Variants in UBA2 observed in about 807,000 individuals in gnomAD.
UBA2 encodes the protein SUMO-activating enzyme subunit 2.
UBA2 carries 11 observed loss-of-function variants against 77.2 expected under a neutral mutation model. The observed-to-expected ratio is 0.14, with a 90% CI of 0.09 to 0.24. The LOEUF is 0.24. UBA2 is among the 10% of genes least tolerant of loss of function. The pLI is 1.00. For synonymous variants in UBA2, 278 were observed against 276.7 expected (o/e 1.00, Z -0.05); for missense variants, 487 against 781.7 (o/e 0.62, Z 4.50).
At chr19:34,458,042 C>G (rs973436717) in intron 12 of UBA2, among the ~76,000 whole-genome samples, 1 of 152,072 alleles carries the variant, frequency 6.6e-6, no homozygotes, top group African/African-American at 2.4e-5. Context: ...CTATCGTTAA[C>G]TGGAGAAATT....
At chr19:34,456,100 C>CTCTT (rs2075557076) in intron 12 of UBA2, among the ~76,000 whole-genome samples, 1 of 55,782 alleles carries the variant, frequency 1.8e-5, no homozygotes, top group Non-Finnish European at 3.2e-5. Flanking sequence ...TTTTCCTTTT[C>CTCTT]TTTTTCTTTT....
intron 13 of UBA2, 61 bp from the exon 14 acceptor site, chr19:34,460,409 A>T (rs2075617891): frequency 1.8e-6 from 2 of 1,127,932 alleles, no homozygotes; most frequent in Admixed American, 5.0e-5. Flanking sequence ...GAAGTCTAGG[A>T]TTTCTTATGA....
intron 8 of UBA2, among the ~76,000 whole-genome samples, chr19:34,448,141 C>T (rs1189224315): frequency 6.6e-6 from 1 of 152,128 alleles, no homozygotes; most frequent in African/African-American, 2.4e-5. Flanking sequence ...ACATACTACC[C>T]TAGGATCTGA....
chr19:34,450,677 A>C (rs901928663), intron 9 of UBA2, among the ~76,000 whole-genome samples: 3 of 151,828 alleles, frequency 2.0e-5, no homozygotes, highest in Non-Finnish European at 4.4e-5. Context: ...GTCTCTTATT[A>C]ACATGTAGTG....
At chr19:34,465,806 T>C (rs935208708) in intron 15 of UBA2, among the ~76,000 whole-genome samples, 2 of 152,100 alleles carry the variant, frequency 1.3e-5, no homozygotes, top group African/African-American at 4.8e-5. Context: ...ACATGTACAA[T>C]AAAGTGGAAA....
chr19:34,460,679 T>C lies in UBA2; in HGVS notation c.1498+113T>C, dbSNP rs1599930467. ...CTCAGTATTGCAGAGAGTGGCAGTGTTTGGTCATGAAGGTGCTCTTTCAAG... is the reference window on the plus strand; with the variant it reads ...CTCAGTATTGCAGAGAGTGGCAGTGCTTGGTCATGAAGGTGCTCTTTCAAG... On this transcript the variant is annotated intron_variant, in intron 14 of 16. Transcript: ENST00000246548. 1.9e-5 allele frequency: 14 copies of C among 742,116 alleles called. No individual in the cohort carries two copies. The East Asian group carries it at 4.1e-4, about 22-fold the overall frequency. The allele number at this position is 742,116 out of a possible 1,614,324, so 46.0% of individuals were successfully genotyped here.
In UBA2 at chr19:34,444,533, A is replaced by C. The variant is rs958783227; in HGVS notation, c.650-467A>C. ...GAAACTAAGTTACAACAGGCCAGGC[A>C]AGGTGGCTCACGCCCGTAGTCCCAG... On this transcript the variant is annotated intron_variant, in intron 7 of 16. Coordinates refer to ENST00000246548, the MANE Select transcript of UBA2 (RefSeq NM_005499.3). Among the ~76,000 whole-genome samples the C allele has an allele frequency of 2.6e-5, 4 of 152,292 alleles. No individual in the cohort carries two copies. In the East Asian group the frequency reaches 7.7e-4, roughly 29 times the overall value.
At chr19:34,431,424 G>C (rs2075254341) in intron 2 of UBA2, among the ~76,000 whole-genome samples, 1 of 151,330 alleles carries the variant, frequency 6.6e-6, no homozygotes, top group South Asian at 2.1e-4. Context: ...GCCTTTTCCT[G>C]TCATTCTCAT....
At chr19:34,453,238 A>C (rs1171498038) in intron 10 of UBA2, among the ~76,000 whole-genome samples, 9 of 152,218 alleles carry the variant, frequency 5.9e-5, no homozygotes, top group Admixed American at 5.9e-4. Flanking sequence ...CAATAAATAC[A>C]TAAAGAACTA....
chr19:34,434,165 A>C (rs1272134864), intron 4 of UBA2, among the ~76,000 whole-genome samples: 1 of 152,186 alleles, frequency 6.6e-6, no homozygotes, highest in Non-Finnish European at 1.5e-5. Flanking sequence ...CCCAGACTAG[A>C]GTGCACTGGT....
intron 7 of UBA2, among the ~76,000 whole-genome samples, chr19:34,444,668 A>G (rs1317283557): frequency 1.3e-5 from 2 of 152,210 alleles, no homozygotes; most frequent in Non-Finnish European, 2.9e-5. Flanking sequence ...TTAGCCAGGC[A>G]TGGTGGTGCA....
chr19:34,465,269 A>G lies in UBA2; in HGVS notation c.1604+1138A>G, dbSNP rs566519707. ...TTATTTTGTCAATATTTTCATGAGT[A>G]TACAAACATGCATAGTGTTGGTGTG... On this transcript the variant is annotated intron_variant, in intron 15 of 16. Transcript: ENST00000246548. Among the ~76,000 whole-genome samples, 220 of 152,316 alleles carry G rather than the reference A, an allele frequency of 1.4e-3. 5 individuals carry two copies. Among genetic ancestry groups the G allele is most frequent in the African/African-American group, 5.0e-3 (208 of 41,576 alleles).
At position 34,451,990 on chromosome 19, in the gene UBA2, C is replaced by T. The variant is rs368142349; in HGVS notation, c.881C>T (p.Thr294Met). 2.8e-5 allele frequency: 43 copies of T among 1,533,724 alleles called. No homozygotes were observed. Among genetic ancestry groups the T allele is most frequent in the East Asian group, 9.2e-5 (4 of 43,424 alleles). ...WAEVQSQGEE[T>M]NASDQQNEPQ... ...ATATTTTTTTCTTTAGGAGAAGAAACGAATGCATCAGATCAACAGAATGAA... is the reference window on the plus strand; with the variant it reads ...ATATTTTTTTCTTTAGGAGAAGAAATGAATGCATCAGATCAACAGAATGAA... The change falls in exon 10 of 17, where the codon ACG becomes ATG. Residue 294 changes from threonine to methionine, a missense_variant. This residue lies in a region of UBA2 where 300 missense variants were observed against 454.3 expected (regional missense o/e 0.66). Transcript: ENST00000246548.
chr19:34,443,858 A>G lies in UBA2; in HGVS notation c.596A>G (p.Glu199Gly). 2 of 1,608,008 alleles carry G rather than the reference A, an allele frequency of 1.2e-6. No individual in the cohort carries two copies. Among genetic ancestry groups the G allele is most frequent in the Non-Finnish European group, 8.5e-7 (1 of 1,174,634 alleles). ...TTAAATTATAGCCAGTTGTTTGGGG[A>G]AGAAGATGCTGATCAAGAAGTATCT... ...AKYLFNQLFG[E>G]EDADQEVSPD... The change falls in exon 7 of 17, where the codon GAA becomes GGA. Residue 199 changes from glutamate (E) to glycine (G), a missense_variant. Around this residue, in one of 9 missense-constraint regions of UBA2, gnomAD observed 11 missense variants for 44.9 expected, o/e 0.24. Coordinates refer to ENST00000246548, the MANE Select transcript of UBA2 (RefSeq NM_005499.3).
chr19:34,470,212 T>C lies in UBA2; in HGVS notation c.*991T>C, dbSNP rs538316241. ...AGGCAGAGGTTGCAGTGAGCCAAGA[T>C]TGTGCTATTGCTACTCCAGCCAGGG... On this transcript the variant is annotated 3_prime_UTR_variant, in exon 17 of 17. Coordinates refer to ENST00000246548, the MANE Select transcript of UBA2 (RefSeq NM_005499.3). 6.6e-6 allele frequency: 1 copy of C among 152,016 alleles called. No individual in the cohort carries two copies. Among genetic ancestry groups the C allele is most frequent in the East Asian group, 1.9e-4 (1 of 5,168 alleles). 9.4% of individuals were successfully genotyped at this position (152,016 alleles called of 1,614,324 possible). A position where few individuals can be genotyped will look rare whatever the true frequency, so the allele number is the denominator to read the frequency against.
At chr19:34,458,351 C>T (rs113133079) in intron 12 of UBA2, among the ~76,000 whole-genome samples, 6 of 151,398 alleles carry the variant, frequency 4.0e-5, no homozygotes, top group Admixed American at 2.0e-4. Flanking sequence ...GTCAGGAGAT[C>T]GAGACCATCC....
intron 1 of UBA2, 156 bp downstream of exon 1, chr19:34,428,726 C>G (rs971100634): frequency 5.4e-5 from 62 of 1,154,506 alleles, no homozygotes; most frequent in South Asian, 1.4e-4. Context: ...TTGTGCCCCC[C>G]CCGCGGGAGG....
At chr19:34,449,142 T>C (rs1042940867) in intron 8 of UBA2, among the ~76,000 whole-genome samples, 8 of 145,782 alleles carry the variant, frequency 5.5e-5, no homozygotes, top group African/African-American at 2.1e-4. Context: ...CGATCTCAGC[T>C]GACTGCACTC....
Position 34,460,486 on chromosome 19 carries a change from T to A in UBA2, c.1418T>A (p.Phe473Tyr). The A allele has an allele frequency of 6.3e-7, 1 of 1,591,048 alleles. No individual in the cohort carries two copies. Among genetic ancestry groups the A allele is most frequent in the Non-Finnish European group, 8.5e-7 (1 of 1,171,604 alleles). ...TLQDKIVKEK[F>Y]AMVAPDVQIE... The stretch of plus-strand genomic sequence containing the variant: ...TTTTTGTAGATAGTGAAAGAAAAAT[T>A]TGCTATGGTAGCACCAGATGTCCAA... Residue 473 changes from phenylalanine (F) to tyrosine (Y), a missense_variant, in exon 14 of 17, where the codon TTT (phenylalanine) becomes TAT (tyrosine). Coordinates refer to ENST00000246548, the MANE Select transcript of UBA2 (RefSeq NM_005499.3).
Sources: gnomAD v4.1 joint callset for allele counts (sites outside exome capture counted in the v4.1 genomes callset) on GRCh38, gnomAD v4.1.1 for gene constraint, gnomAD v4.1.1 regional missense constraint, MANE v1.5 for transcripts, NCBI Gene and HGNC (gene_info 2026-07-23, HGNC 2026-07-21) for gene names.